Variants in TNKS2 observed in about 807,000 individuals in gnomAD.
TNKS2 encodes the protein poly [ADP-ribose] polymerase tankyrase-2.
TNKS2 carries 72 observed loss-of-function variants against 137.6 expected under a neutral mutation model. The ratio of observed to expected loss-of-function variants is 0.52; its 90% CI spans 0.43 to 0.64. The LOEUF is 0.64. Among genes scored for constraint, TNKS2 ranks in the 30% least tolerant of loss-of-function variants. The pLI, the probability that TNKS2 is intolerant of heterozygous loss-of-function variation, is 0.00. For synonymous variants in TNKS2, 516 were observed against 512.1 expected, an observed-to-expected ratio of 1.01 and a Z score of -0.10; for missense variants, 1,049 against 1,410.2, an observed-to-expected ratio of 0.74 and a Z score of 4.10.
intron 9 of TNKS2, among the ~76,000 whole-genome samples, chr10:91,830,138 G>A (rs931228765): frequency 6.6e-5 from 10 of 152,212 alleles, no homozygotes; most frequent in East Asian, 1.9e-4. Context: ...AGTTGAGAGA[G>A]ATATAAATAC....
chr10:91,831,256 C>T, intron 11 of TNKS2, 75 bp downstream of exon 11: 5 of 1,283,226 alleles, frequency 3.9e-6, no homozygotes, highest in Non-Finnish European at 5.6e-6. Context: ...GCCTGACTTC[C>T]TAAACTATTT....
Position 91,863,604 on chromosome 10 carries a change from A to G in TNKS2, c.*605A>G, listed in dbSNP as rs1262142731. The G allele has an allele frequency of 6.6e-6, 1 of 152,188 alleles. No individual in the cohort carries two copies. The highest frequency in any genetic ancestry group is 1.5e-5 in the Non-Finnish European group (1 of 68,004). 9.4% of individuals were successfully genotyped at this position (152,188 alleles called of 1,614,324 possible). On this transcript the variant is annotated 3_prime_UTR_variant, in exon 27 of 27. Coordinates refer to ENST00000371627, the MANE Select transcript of TNKS2 (RefSeq NM_025235.4). ...TAGTTGGGAAAGATTGAGTTATCAGATTTAATTTGCCGATGGGAGCCTTTA... is the reference window on the plus strand; with the variant it reads ...TAGTTGGGAAAGATTGAGTTATCAGGTTTAATTTGCCGATGGGAGCCTTTA...
chr10:91,844,815 TGTATAC>T, intron 16 of TNKS2, 98 bp from the exon 17 acceptor site: 15 of 641,076 alleles, frequency 2.3e-5, no homozygotes, highest in Non-Finnish European at 3.5e-5. Context: ...CATATATATA[TGTATAC>T]ATGTAATGAC....
chr10:91,863,174 G>A lies in TNKS2; in HGVS notation c.*175G>A. On this transcript the variant is annotated 3_prime_UTR_variant, in exon 27 of 27. Coordinates refer to ENST00000371627, the MANE Select transcript of TNKS2 (RefSeq NM_025235.4). ...CTTGATAAAGCTTTAATAATGTACAGTGTTTTCTAAATATTTCCTGTTTTT... is the reference window on the plus strand; with the variant it reads ...CTTGATAAAGCTTTAATAATGTACAATGTTTTCTAAATATTTCCTGTTTTT... 2.0e-6 allele frequency: 1 copy of A among 496,108 alleles called. No homozygotes were observed. Among genetic ancestry groups the A allele is most frequent in the Non-Finnish European group, 3.6e-6 (1 of 279,850 alleles). 30.7% of individuals were successfully genotyped at this position (496,108 alleles called of 1,614,324 possible). A position where few individuals can be genotyped will look rare whatever the true frequency, so the allele number is the denominator to read the frequency against.
chr10:91,835,592 CTTT>C (rs35247985), intron 12 of TNKS2, among the ~76,000 whole-genome samples: 12,484 of 109,476 alleles, frequency 0.11, 633 homozygotes, highest in Admixed American at 0.16. Context: ...CCCGGCCTTT[CTTT>C]TTTTTTTTTT....
chr10:91,839,527 A>C (rs558756546), intron 13 of TNKS2, among the ~76,000 whole-genome samples: 1 of 151,930 alleles, frequency 6.6e-6, no homozygotes, highest in South Asian at 2.1e-4. Context: ...CCTGACCTCA[A>C]GTGATCTGCC....
In TNKS2 at chr10:91,859,467, C is replaced by T. The variant is rs374295764; in HGVS notation, c.3100C>T (p.Pro1034Ser). ...CCCATCTATATGTGTTTCAGGGTCTCCTTTTGTGAATGCAATTATCCACAA... is the reference window on the plus strand; with the variant it reads ...CCCATCTATATGTGTTTCAGGGTCTTCTTTTGTGAATGCAATTATCCACAA... ...ANERMLFHGS[P>S]FVNAIIHKGF... Residue 1034 changes from proline (P) to serine (S), a missense_variant, in exon 25 of 27, where the codon CCT becomes TCT. This residue lies in a region of TNKS2 where 133 missense variants were observed against 248.4 expected (regional missense o/e 0.54). Transcript: ENST00000371627. 3 of 1,598,822 alleles carry T rather than the reference C, an allele frequency of 1.9e-6. No homozygotes were observed. In the African/African-American group the frequency reaches 4.0e-5, roughly 22 times the overall value.
intron 1 of TNKS2, chr10:91,807,242 G>A: frequency 6.2e-7 from 1 of 1,606,592 alleles, no homozygotes; most frequent in Non-Finnish European, 8.5e-7. Flanking sequence ...TTAGTTGACT[G>A]TGGAATTTCT....
At chr10:91,837,385 C>G (rs1201286817) in intron 13 of TNKS2, among the ~76,000 whole-genome samples, 1 of 152,164 alleles carries the variant, frequency 6.6e-6, no homozygotes, top group East Asian at 1.9e-4. Flanking sequence ...TAGATTTCTT[C>G]TGATTTCTTC....
intron 26 of TNKS2, 63 bp from the exon 27 acceptor site, chr10:91,862,874 A>G: frequency 8.5e-7 from 1 of 1,180,358 alleles, no homozygotes; most frequent in South Asian, 1.3e-5. Flanking sequence ...ATACTTCCGG[A>G]AAGTCTGTTT....
intron 1 of TNKS2, among the ~76,000 whole-genome samples, chr10:91,807,995 CA>C (rs35736923): frequency 0.24 from 28,390 of 118,336 alleles, 2,677 homozygotes; most frequent in African/African-American, 0.36. Context: ...GACTCTGTCT[CA>C]AAAAAAAAAA....
chr10:91,824,559 A>G (rs1049309796), intron 7 of TNKS2, among the ~76,000 whole-genome samples: 2 of 152,146 alleles, frequency 1.3e-5, no homozygotes, highest in Non-Finnish European at 2.9e-5. Flanking sequence ...GTTGACTGAT[A>G]TTTCTTTGCT....
chr10:91,798,472 C>T lies in TNKS2; in HGVS notation c.-219C>T, dbSNP rs954395705. On this transcript the variant is annotated 5_prime_UTR_variant, in exon 1 of 27. Coordinates refer to ENST00000371627, the MANE Select transcript of TNKS2 (RefSeq NM_025235.4). ...TCAGGACCCGGACGGCGGATTCGCGCTGCCTCCGCCGCCGCGGGGCAGCCG... is the reference window on the plus strand; with the variant it reads ...TCAGGACCCGGACGGCGGATTCGCGTTGCCTCCGCCGCCGCGGGGCAGCCG... The T allele has an allele frequency of 2.4e-5, 9 of 382,764 alleles. No individual in the cohort carries two copies. In the Admixed American group the frequency reaches 4.0e-4, roughly 17 times the overall value. The allele number at this position is 382,764 out of a possible 1,614,324, so 23.7% of individuals were successfully genotyped here.
At chr10:91,833,730 C>T in intron 11 of TNKS2, 123 bp from the exon 12 acceptor site, 1 of 688,110 alleles carries the variant, frequency 1.5e-6, no homozygotes, top group Non-Finnish European at 2.1e-6. Context: ...CTTGCTTTGG[C>T]ATTGGATAAT....
chr10:91,862,404 G>A (rs972262376), intron 26 of TNKS2, among the ~76,000 whole-genome samples: 5 of 151,872 alleles, frequency 3.3e-5, no homozygotes, highest in African/African-American at 4.8e-5. Context: ...TTCTTTCCTT[G>A]TGTGTGTACC....
intron 18 of TNKS2, among the ~76,000 whole-genome samples, chr10:91,847,014 A>G (rs930309166): frequency 1.3e-5 from 2 of 152,216 alleles, no homozygotes; most frequent in African/African-American, 4.8e-5. Flanking sequence ...TACCTCATCT[A>G]TAGATAGAGG....
chr10:91,838,036 A>ATT (rs71025367), intron 13 of TNKS2, among the ~76,000 whole-genome samples: 913 of 51,200 alleles, frequency 0.018, 130 homozygotes, highest in African/African-American at 0.056. Context: ...CAATTAGCTG[A>ATT]TTTTTTTTTT....
chr10:91,830,847 C>A, intron 9 of TNKS2, 76 bp from the exon 10 acceptor site: 1 of 1,228,732 alleles, frequency 8.1e-7, no homozygotes, highest in Non-Finnish European at 1.1e-6. Context: ...CTTGATTGTT[C>A]TTGATTGGAA....
Position 91,804,876 on chromosome 10 carries a change from G to C in TNKS2, c.199+5987G>C, listed in dbSNP as rs760860797. Among the ~76,000 whole-genome samples, 13 of 152,126 alleles carry C rather than the reference G, an allele frequency of 8.5e-5. No homozygotes were observed. The South Asian group carries it at 2.3e-3, about 27-fold the overall frequency. On this transcript the variant is annotated intron_variant, in intron 1 of 26. Transcript: ENST00000371627. ...GGTTCAAGCAATTCTCCTGCCTCCT[G>C]CTTCAGCCTCCCGAGTAGCTGGGAT... is the stretch of plus-strand genomic sequence containing the variant.
Sources: gnomAD v4.1 joint callset for allele counts (sites outside exome capture counted in the v4.1 genomes callset) on GRCh38, gnomAD v4.1.1 for gene constraint, gnomAD v4.1.1 regional missense constraint, MANE v1.5 for transcripts, NCBI Gene and HGNC (gene_info 2026-07-23, HGNC 2026-07-21) for gene names.